SNX25: variants seen among roughly 807,000 people sequenced by gnomAD.
SNX25 encodes sorting nexin-25.
SNX25 carries 62 observed loss-of-function variants against 113.7 expected under a neutral mutation model. The ratio of observed to expected loss-of-function variants is 0.55; its 90% CI spans 0.44 to 0.67. SNX25 has a LOEUF of 0.67. Among genes scored for constraint, SNX25 ranks in the 30% least tolerant of loss-of-function variants. The probability of loss-of-function intolerance (pLI) is 0.00; values close to 1 mark genes in which losing one functional copy is unlikely to be tolerated. For missense variants in SNX25, 1,014 were observed against 1,161.0 expected (o/e 0.87, Z 1.84); for synonymous variants, 421 against 436.2 (o/e 0.97, Z 0.43).
At chr4:185,371,502 A>C (rs200247674), downstream of SNX25, among the ~76,000 whole-genome samples, 5 of 142,726 alleles carry the variant, frequency 3.5e-5, no homozygotes, top group East Asian at 2.1e-4. Flanking sequence ...AGATCGCACC[A>C]CTGCACTCCA....
intron 6 of SNX25, among the ~76,000 whole-genome samples, chr4:185,292,009 C>T (rs1037597448): frequency 1.3e-5 from 2 of 152,272 alleles, no homozygotes; most frequent in East Asian, 3.9e-4. Flanking sequence ...CTCTTTTCAG[C>T]AAGCTTTCTG....
At chr4:185,376,661 T>C in the SNX25 span, among the ~76,000 whole-genome samples, 1 of 152,112 alleles carries the variant, frequency 6.6e-6, no homozygotes, top group African/African-American at 2.4e-5. Flanking sequence ...TAATCTATAG[T>C]GTGAAATGGA....
intron 1 of SNX25, among the ~76,000 whole-genome samples, chr4:185,244,770 A>G (rs1744584296): frequency 6.6e-6 from 1 of 152,214 alleles, no homozygotes; most frequent in African/African-American, 2.4e-5. Flanking sequence ...TGGGTGCAAC[A>G]TGTACATCTT....
At chr4:185,259,781 G>A (rs114414783) in intron 3 of SNX25, among the ~76,000 whole-genome samples, 1 of 152,144 alleles carries the variant, frequency 6.6e-6, no homozygotes. Flanking sequence ...ACAGGAATGG[G>A]AACAGTTAAT....
the SNX25 span, chr4:185,377,184 A>T: frequency 1.6e-6 from 1 of 613,140 alleles, no homozygotes; most frequent in Admixed American, 2.7e-5. Flanking sequence ...TACCTGAAAA[A>T]ACGTCATGGT....
At chr4:185,362,814 C>T in intron 18 of SNX25, 103 bp downstream of exon 18, 1 of 699,868 alleles carries the variant, frequency 1.4e-6, no homozygotes, top group Non-Finnish European at 2.5e-6. Context: ...CTCTCATTCT[C>T]ACATACTAGT....
chr4:185,272,527 A>G (rs975349518), intron 5 of SNX25, among the ~76,000 whole-genome samples: 1 of 152,184 alleles, frequency 6.6e-6, no homozygotes, highest in Non-Finnish European at 1.5e-5. Context: ...GTTCTTCCAC[A>G]AATAGGTGCC....
chr4:185,205,408 C>T (rs1218422162), upstream of SNX25, among the ~76,000 whole-genome samples: 5 of 151,038 alleles, frequency 3.3e-5, no homozygotes, highest in Non-Finnish European at 7.4e-5. Context: ...GAGCCGAGAT[C>T]GTGCCACTGC....
At chr4:185,265,177 T>TA (rs1431643056) in intron 4 of SNX25, among the ~76,000 whole-genome samples, 3 of 152,186 alleles carry the variant, frequency 2.0e-5, no homozygotes, top group African/African-American at 7.2e-5. Flanking sequence ...ATCTTTGCTA[T>TA]ATGATTTGTT....
At chr4:185,298,967 G>T (rs1369115130) in intron 6 of SNX25, among the ~76,000 whole-genome samples, 3 of 152,134 alleles carry the variant, frequency 2.0e-5, no homozygotes, top group Non-Finnish European at 4.4e-5. Flanking sequence ...GAGTACCATT[G>T]TGTATTAGGT....
At chr4:185,206,681 A>AG (rs1222677687), upstream of SNX25, among the ~76,000 whole-genome samples, 1 of 151,206 alleles carries the variant, frequency 6.6e-6, no homozygotes, top group East Asian at 1.9e-4. Context: ...AAAAAAAAAA[A>AG]AGAATGGAAG....
upstream of SNX25, among the ~76,000 whole-genome samples, chr4:185,205,984 G>A (rs371516851): frequency 2.0e-5 from 3 of 152,116 alleles, no homozygotes; most frequent in Non-Finnish European, 2.9e-5. Flanking sequence ...ATGAGATACC[G>A]ATGGCTTTAG....
At chr4:185,359,076 G>A (rs2095350992) in intron 16 of SNX25, among the ~76,000 whole-genome samples, 1 of 152,118 alleles carries the variant, frequency 6.6e-6, no homozygotes, top group Admixed American at 6.5e-5. Flanking sequence ...TAGTTGGCTG[G>A]GCACAGTGGC....
chr4:185,290,224 G>T (rs906671440), intron 6 of SNX25, among the ~76,000 whole-genome samples: 1 of 152,218 alleles, frequency 6.6e-6, no homozygotes, highest in Admixed American at 6.5e-5. Context: ...TTCAGCATCT[G>T]AATTTGTTTT....
intron 9 of SNX25, among the ~76,000 whole-genome samples, chr4:185,325,267 CTCACGCCT>C (rs1316552293): frequency 2.6e-5 from 4 of 152,180 alleles, no homozygotes; most frequent in Non-Finnish European, 4.4e-5. Context: ...GGTGCAGTGG[CTCACGCCT>C]GTAATCCCAG....
In SNX25 at chr4:185,323,539, A is replaced by T; in HGVS notation, c.1488A>T (p.Pro496=). The T allele has an allele frequency of 6.2e-7, 1 of 1,609,218 alleles. No homozygotes were observed. Among genetic ancestry groups the T allele is most frequent in the Non-Finnish European group, 8.5e-7 (1 of 1,178,530 alleles). ...HLKNANKNEI[P]QLVGEIYQNF... The stretch of plus-strand genomic sequence containing the variant: ...TCCTGTCTTTTCAGAATGAAATTCC[A>T]CAATTAGTTGGTGAAATTTATCAGA... Residue 496 remains proline (P), a synonymous_variant, in exon 9 of 19, where the codon CCA becomes CCT. Transcript: ENST00000652585.
In SNX25 at chr4:185,342,009, TA is replaced by T. The variant is rs1322252522; in HGVS notation, c.2081del (p.Tyr694SerfsTer5). 1 of 1,609,382 alleles carries T rather than the reference TA, an allele frequency of 6.2e-7. No individual in the cohort carries two copies. Among genetic ancestry groups the T allele is most frequent in the South Asian group, 1.1e-5 (1 of 89,878 alleles). On this transcript the variant is annotated frameshift_variant, in exon 12 of 19. Transcript: ENST00000652585. LOFTEE classifies it high-confidence loss of function. ...TEENGEQLPCYFVMVSLQEVG... is the reference protein window; with the variant it reads ...TEENGEQLPCXFVMVSLQEVG... ...AGAGAATGGTGAGCAATTGCCATGT[TA>T]CTTTGTCATGGTAAGCCTACAAGAA...
intron 1 of SNX25, among the ~76,000 whole-genome samples, chr4:185,217,794 C>T (rs962504248): frequency 5.3e-5 from 8 of 152,144 alleles, no homozygotes; most frequent in African/African-American, 1.9e-4. Context: ...TGGTGCCGAG[C>T]GTTCAGGACA....
chr4:185,211,331 A>G (rs916726065), intron 1 of SNX25, among the ~76,000 whole-genome samples: 2 of 152,238 alleles, frequency 1.3e-5, no homozygotes, highest in Admixed American at 6.5e-5. Flanking sequence ...AAGGCAGTAT[A>G]TTAAGGAGCA....
Sources: gnomAD v4.1 joint callset for allele counts (sites outside exome capture counted in the v4.1 genomes callset) on GRCh38, gnomAD v4.1.1 for gene constraint, MANE v1.5 for transcripts, NCBI Gene and HGNC (gene_info 2026-07-23, HGNC 2026-07-21) for gene names.